PRDM2: variants seen among roughly 807,000 people sequenced by gnomAD.
PRDM2 encodes the protein PR domain zinc finger protein 2.
PRDM2 carries 30 observed loss-of-function variants against 130.0 expected under a neutral mutation model. That is an observed-to-expected ratio of 0.23 (90% CI 0.17 to 0.31). The LOEUF is 0.31. Ranked by LOEUF, PRDM2 falls within the 10% of genes least tolerant of loss-of-function variation. The pLI is 1.00. For missense variants in PRDM2, 2,011 were observed against 2,108.4 expected (o/e 0.95, Z 0.90); for synonymous variants, 871 against 782.4 (o/e 1.11, Z -1.89).
intron 6 of PRDM2, among the ~76,000 whole-genome samples, chr1:13,752,210 A>G (rs1643864646): frequency 6.6e-6 from 1 of 152,220 alleles, no homozygotes; most frequent in Non-Finnish European, 1.5e-5. Context: ...TAGGAAGGAA[A>G]AGAATGCAGT....
chr1:13,781,057 G>A lies in PRDM2; in HGVS notation c.3262G>A (p.Gly1088Ser), dbSNP rs1644602792. 10 of 1,612,428 alleles carry A rather than the reference G, an allele frequency of 6.2e-6. No homozygotes were observed. The highest frequency in any genetic ancestry group is 6.8e-6 in the Non-Finnish European group (8 of 1,178,638). The change falls in exon 8 of 10, where the codon GGT (glycine) becomes AGT (serine). Residue 1088 changes from glycine (G) to serine (S), a missense_variant. By Grantham distance (56) the Gly-to-Ser change is moderately conservative (BLOSUM62 0). Transcript: ENST00000311066. The surrounding 1 kb of genome is among the most constrained non-coding windows in gnomAD (Gnocchi z 6.1). ...CGCAATATCATCTGTTGTTTCCTCT[G>A]GTGATAATCTGGAGGCTTCTCTCCC... is the stretch of plus-strand genomic sequence containing the variant. ...LSAISSVVSS[G>S]DNLEASLPMI...
intron 6 of PRDM2, among the ~76,000 whole-genome samples, chr1:13,761,068 T>C (rs1045288465): frequency 3.3e-5 from 5 of 152,238 alleles, no homozygotes; most frequent in Non-Finnish European, 5.9e-5. Flanking sequence ...AGCTGTCTTG[T>C]TTCACTGTTA....
At chr1:13,709,504 T>C (rs1268204672) in intron 1 of PRDM2, among the ~76,000 whole-genome samples, 1 of 152,236 alleles carries the variant, frequency 6.6e-6, no homozygotes, top group African/African-American at 2.4e-5. Context: ...AAGAATCTTT[T>C]GGTCAGAGTA....
intron 2 of PRDM2, among the ~76,000 whole-genome samples, chr1:13,724,832 A>G (rs115789790): frequency 0.017 from 2,571 of 152,300 alleles, 41 homozygotes; most frequent in South Asian, 0.084. Flanking sequence ...ATAAAGGGAG[A>G]AAAAGGAAGG....
Position 13,780,360 on chromosome 1 carries a change from G to T in PRDM2, c.2565G>T (p.Lys855Asn). Residue 855 changes from lysine to asparagine, a missense_variant, in exon 8 of 10, where the codon AAG becomes AAT. Lys to Asn is a moderately conservative substitution (Grantham distance 94). This residue lies in a region of PRDM2 where 1,288 missense variants were observed against 1,237.7 expected (regional missense o/e 1.04). Transcript: ENST00000311066. ...TCTTAGATCTCAGTGTGCATAAAAA[G>T]CATTGTAGTGACTCTGAAGGCAAGG... ...ESVLDLSVHK[K>N]HCSDSEGKEF... 1 of 1,614,202 alleles carries T rather than the reference G, an allele frequency of 6.2e-7. No homozygotes were observed. The highest frequency in any genetic ancestry group is 8.5e-7 in the Non-Finnish European group (1 of 1,180,032).
intron 6 of PRDM2, among the ~76,000 whole-genome samples, chr1:13,767,467 ATTTTTTTT>A (rs372707092): frequency 8.8e-6 from 1 of 114,012 alleles, no homozygotes; most frequent in African/African-American, 3.3e-5. Flanking sequence ...AATTTTTTCT[ATTTTTTTT>A]TTTTTTTTTG....
chr1:13,746,143 C>T (rs886802771), intron 5 of PRDM2, among the ~76,000 whole-genome samples: 1 of 151,798 alleles, frequency 6.6e-6, no homozygotes, highest in Non-Finnish European at 1.5e-5. Context: ...GGTTTTATAC[C>T]TGTTTGAACC....
At chr1:13,810,258 G>A (rs1395190651) in intron 8 of PRDM2, among the ~76,000 whole-genome samples, 1 of 152,138 alleles carries the variant, frequency 6.6e-6, no homozygotes, top group East Asian at 1.9e-4. Flanking sequence ...ACATGGCCTG[G>A]CACATAGTAT....
intron 8 of PRDM2, among the ~76,000 whole-genome samples, chr1:13,810,193 AG>A (rs1251333105): frequency 6.6e-6 from 1 of 152,156 alleles, no homozygotes; most frequent in African/African-American, 2.4e-5. Context: ...TCGACCTCTC[AG>A]GTTCCCCAAG....
At chr1:13,746,077 C>A in intron 5 of PRDM2, among the ~76,000 whole-genome samples, 1 of 151,938 alleles carries the variant, frequency 6.6e-6, no homozygotes, top group Non-Finnish European at 1.5e-5. Context: ...GGTAAAATTT[C>A]AAGTTTTATT....
chr1:13,711,010 G>A (rs1451336242), intron 1 of PRDM2, among the ~76,000 whole-genome samples: 2 of 151,696 alleles, frequency 1.3e-5, no homozygotes, highest in South Asian at 2.1e-4. Context: ...GCCTGAACCC[G>A]GGAGGTGGAG....
At chr1:13,743,826 T>C (rs1255483908) in intron 5 of PRDM2, among the ~76,000 whole-genome samples, 1 of 152,260 alleles carries the variant, frequency 6.6e-6, no homozygotes, top group Non-Finnish European at 1.5e-5. Context: ...GATTTTTTGT[T>C]ACACTTTCTT....
chr1:13,752,674 C>G (rs1246101862), intron 6 of PRDM2, among the ~76,000 whole-genome samples: 2 of 152,146 alleles, frequency 1.3e-5, no homozygotes, highest in African/African-American at 2.4e-5. Context: ...TCCCTGCTCT[C>G]TCAGTTACAT....
chr1:13,746,630 C>G (rs1246538156), intron 5 of PRDM2, among the ~76,000 whole-genome samples: 1 of 151,876 alleles, frequency 6.6e-6, no homozygotes, highest in Non-Finnish European at 1.5e-5. Context: ...AATCTTGGCT[C>G]ACTGCAGCCT....
rs77737198 is a variant in PRDM2, at chr1:13,778,531, T to A, written c.736T>A (p.Trp246Arg). Residue 246 changes from tryptophan to arginine, a missense_variant, in exon 8 of 10, where the codon TGG (tryptophan) becomes AGG (arginine). Physicochemically the swap from Trp to Arg is moderately radical, Grantham distance 101. Coordinates refer to ENST00000311066, the MANE Select transcript of PRDM2 (RefSeq NM_001393986.1). ...AGAACTAGCAACCCCTGCCCCTGCC[T>A]GGGAGCCACAGCCAGAACCAGACGA... ...PPELATPAPAWEPQPEPDERL... is the reference protein window; with the variant it reads ...PPELATPAPAREPQPEPDERL... 3.1e-6 allele frequency: 5 copies of A among 1,614,052 alleles called. No homozygotes were observed. The South Asian group carries it at 5.5e-5, about 18-fold the overall frequency.
rs538520192 is a variant in PRDM2 at position 13,771,575 on chromosome 1, G to A, written c.512-1503G>A. 6.7e-4 allele frequency among the ~76,000 whole-genome samples: 102 copies of A among 152,110 alleles called. No individual in the cohort carries two copies. Among genetic ancestry groups the A allele is most frequent in the Non-Finnish European group, 1.0e-3 (69 of 67,978 alleles). On this transcript the variant is annotated intron_variant, in intron 6 of 9. Transcript: ENST00000311066. This position sits in a 1 kb window ranked among gnomAD's most constrained non-coding sequence, Gnocchi z 4.1. Reference sequence around the variant, plus strand: ...TGAAACCCCGTCTCTACTAAAATACGAAAAATTAGCCGGGCGTGTTGGCGG... The same window carrying A: ...TGAAACCCCGTCTCTACTAAAATACAAAAAATTAGCCGGGCGTGTTGGCGG...
chr1:13,823,082 C>A, intron 9 of PRDM2, 77 bp from the exon 10 acceptor site: 1 of 1,374,156 alleles, frequency 7.3e-7, no homozygotes, highest in Non-Finnish European at 1.0e-6. Flanking sequence ...AAATTAAGTG[C>A]AATAACGCAT....
intron 4 of PRDM2, among the ~76,000 whole-genome samples, chr1:13,740,492 T>C (rs1381348643): frequency 6.6e-6 from 1 of 152,210 alleles, no homozygotes; most frequent in Admixed American, 6.5e-5. Flanking sequence ...GTAACTACAG[T>C]GCACCTTCTA....
chr1:13,752,926 A>G (rs1274094713), intron 6 of PRDM2, among the ~76,000 whole-genome samples: 2 of 152,292 alleles, frequency 1.3e-5, no homozygotes, highest in East Asian at 1.9e-4. Context: ...GATAATAGAA[A>G]CATGCTCTGT....
Sources: gnomAD v4.1 joint callset for allele counts (sites outside exome capture counted in the v4.1 genomes callset) on GRCh38, gnomAD v4.1.1 for gene constraint, gnomAD v4.1.1 regional missense constraint, Gnocchi (gnomAD v3.1) non-coding constraint, MANE v1.5 for transcripts, NCBI Gene and HGNC (gene_info 2026-07-23, HGNC 2026-07-21) for gene names.